CNTNAP2: variants seen among roughly 807,000 people sequenced by gnomAD.
CNTNAP2 encodes contactin-associated protein-like 2.
Under a neutral mutation model 155.2 loss-of-function variants are expected in CNTNAP2, and 98 were observed. That is an observed-to-expected ratio of 0.63 (90% CI 0.54 to 0.75). The LOEUF is 0.75. Among genes scored for constraint, CNTNAP2 ranks in the 30% least tolerant of loss-of-function variants. The pLI is 0.00. For missense variants in CNTNAP2, 1,727 were observed against 1,688.1 expected (o/e 1.02, Z -0.40); for synonymous variants, 651 against 631.2 (o/e 1.03, Z -0.47).
At chr7:147,705,666 A>G (rs1387625318) in intron 13 of CNTNAP2, among the ~76,000 whole-genome samples, 1 of 152,134 alleles carries the variant, frequency 6.6e-6, no homozygotes, top group Non-Finnish European at 1.5e-5. Flanking sequence ...GTTCCCAACT[A>G]TTATCGTATT....
chr7:148,351,065 G>A (rs10952753), intron 21 of CNTNAP2, among the ~76,000 whole-genome samples: 98,719 of 152,024 alleles, frequency 0.65, 32,520 homozygotes, highest in East Asian at 0.95. Context: ...CTTCTTATTC[G>A]TGGGCAAAAC....
chr7:146,869,922 C>A (rs763422347), intron 3 of CNTNAP2, among the ~76,000 whole-genome samples: 1 of 152,188 alleles, frequency 6.6e-6, no homozygotes, highest in African/African-American at 2.4e-5. Flanking sequence ...CACCCAGAAA[C>A]AATACTTCGC....
intron 15 of CNTNAP2, among the ~76,000 whole-genome samples, chr7:148,058,662 G>C (rs1585102575): frequency 6.6e-6 from 1 of 152,124 alleles, no homozygotes; most frequent in Admixed American, 6.5e-5. Flanking sequence ...AGGGGACTAG[G>C]GGGCTGCAGA....
At chr7:146,257,134 CT>C (rs1799851809) in intron 1 of CNTNAP2, among the ~76,000 whole-genome samples, 1 of 152,160 alleles carries the variant, frequency 6.6e-6, no homozygotes, top group African/African-American at 2.4e-5. Flanking sequence ...ATTTGAACAA[CT>C]GTTATTATGC....
At chr7:148,163,925 A>ATTTTG (rs527900970) in intron 17 of CNTNAP2, among the ~76,000 whole-genome samples, 182 of 152,156 alleles carry the variant, frequency 1.2e-3, no homozygotes, top group Non-Finnish European at 2.3e-3. Flanking sequence ...CACCACAGGT[A>ATTTTG]TTTTGTTTTG....
chr7:148,052,363 G>GAAA (rs11377797), intron 15 of CNTNAP2, among the ~76,000 whole-genome samples: 3 of 139,418 alleles, frequency 2.2e-5, no homozygotes, highest in South Asian at 2.3e-4. Flanking sequence ...CCAGGTGATG[G>GAAA]AAAAAAAAAA....
intron 17 of CNTNAP2, among the ~76,000 whole-genome samples, chr7:148,150,909 G>C (rs180903753): frequency 1.3e-5 from 2 of 151,414 alleles, no homozygotes; most frequent in Non-Finnish European, 2.9e-5. Flanking sequence ...TGCCTGGCAT[G>C]AGGTCTCCCT....
chr7:147,000,223 T>C (rs1192991462), intron 3 of CNTNAP2, among the ~76,000 whole-genome samples: 2 of 152,034 alleles, frequency 1.3e-5, no homozygotes, highest in African/African-American at 2.4e-5. Flanking sequence ...TGATTTAATA[T>C]TATTATTATT....
intron 8 of CNTNAP2, among the ~76,000 whole-genome samples, chr7:147,196,278 T>A (rs1038119782): frequency 2.0e-5 from 3 of 152,338 alleles, no homozygotes; most frequent in Admixed American, 6.5e-5. Context: ...AATTTCATAT[T>A]TTCATTGATG....
chr7:146,572,556 C>G (rs908092625), intron 1 of CNTNAP2, among the ~76,000 whole-genome samples: 6 of 152,154 alleles, frequency 3.9e-5, no homozygotes, highest in African/African-American at 1.4e-4. Flanking sequence ...TTTGCCCATA[C>G]TATGGACATC....
At chr7:147,653,729 C>T (rs1795484335) in intron 13 of CNTNAP2, among the ~76,000 whole-genome samples, 1 of 152,108 alleles carries the variant, frequency 6.6e-6, no homozygotes, top group South Asian at 2.1e-4. Context: ...ACAAACAGTC[C>T]ACTCTGCAGG....
intron 1 of CNTNAP2, among the ~76,000 whole-genome samples, chr7:146,718,995 G>A (rs1801239586): frequency 6.6e-6 from 1 of 151,942 alleles, no homozygotes; most frequent in Admixed American, 6.6e-5. Flanking sequence ...TTCTCCTAGG[G>A]GTTTTCAAAT....
At chr7:147,579,284 T>C (rs1482829574) in intron 12 of CNTNAP2, among the ~76,000 whole-genome samples, 1 of 152,130 alleles carries the variant, frequency 6.6e-6, no homozygotes, top group Non-Finnish European at 1.5e-5. Context: ...GTTTTTAGAA[T>C]TTTAATGTGT....
At chr7:148,385,736 GTTTTTTTT>G (rs398006728) in intron 22 of CNTNAP2, among the ~76,000 whole-genome samples, 7 of 95,346 alleles carry the variant, frequency 7.3e-5, no homozygotes, top group South Asian at 4.2e-4. Flanking sequence ...AGTGTGACAG[GTTTTTTTT>G]TTTTTTTTTT....
At chr7:146,610,631 ACTTT>A (rs948634328) in intron 1 of CNTNAP2, among the ~76,000 whole-genome samples, 7 of 152,180 alleles carry the variant, frequency 4.6e-5, no homozygotes, top group Admixed American at 6.5e-5. Flanking sequence ...ACATGATTGC[ACTTT>A]CTTCTTAATA....
intron 14 of CNTNAP2, among the ~76,000 whole-genome samples, chr7:147,934,756 G>A (rs1247880920): frequency 6.6e-6 from 1 of 152,158 alleles, no homozygotes; most frequent in Non-Finnish European, 1.5e-5. Context: ...GACTTTAAAT[G>A]AATATAACAG....
intron 3 of CNTNAP2, among the ~76,000 whole-genome samples, chr7:147,035,595 T>C (rs1196068628): frequency 6.6e-6 from 1 of 152,196 alleles, no homozygotes; most frequent in Non-Finnish European, 1.5e-5. Flanking sequence ...CACGTCATTC[T>C]CACATAAGTT....
intron 17 of CNTNAP2, among the ~76,000 whole-genome samples, chr7:148,169,904 G>A (rs949664053): frequency 1.3e-5 from 2 of 151,828 alleles, no homozygotes; most frequent in Non-Finnish European, 2.9e-5. Flanking sequence ...AGGTTGCAGT[G>A]AGCTGAGATC....
At chr7:147,198,472 T>A (rs893682697) in intron 8 of CNTNAP2, among the ~76,000 whole-genome samples, 6 of 152,176 alleles carry the variant, frequency 3.9e-5, no homozygotes, top group African/African-American at 7.2e-5. Context: ...CCTCAGGCGA[T>A]CCACCCACCT....
Sources: allele counts gnomAD v4.1 joint callset (sites outside exome capture counted in the v4.1 genomes callset), GRCh38; gene constraint gnomAD v4.1.1; transcripts MANE v1.5; gene names NCBI Gene and HGNC (gene_info 2026-07-23, HGNC 2026-07-21).